The following PARVB variants were observed in gnomAD, a reference collection of about 807,000 sequenced individuals.
PARVB encodes parvin beta.
In PARVB, 46 loss-of-function variants were observed where a neutral mutation model predicts 47.0. The ratio of observed to expected loss-of-function variants is 0.98; its 90% CI spans 0.77 to 1.25. The LOEUF (loss-of-function observed/expected upper bound fraction) is 1.25, where lower values mean the gene tolerates loss of function less well. PARVB is among the 50% of genes most tolerant of loss of function. PARVB has a pLI of 0.00. For missense variants in PARVB, 473 were observed against 471.6 expected, an observed-to-expected ratio of 1.00 and a Z score of -0.03; for synonymous variants, 196 against 196.3, an observed-to-expected ratio of 1.00 and a Z score of 0.01.
At chr22:44,104,721 C>T (rs1011593699) in intron 3 of PARVB, 7 of 152,344 alleles carry the variant, frequency 4.6e-5, no homozygotes, top group Admixed American at 1.3e-4. Flanking sequence ...CTTCACTGCC[C>T]CAGCCACCCT....
At chr22:44,069,410 G>A (rs908359600) in intron 1 of PARVB, among the ~76,000 whole-genome samples, 1 of 152,130 alleles carries the variant, frequency 6.6e-6, no homozygotes, top group African/African-American at 2.4e-5. Flanking sequence ...CACTCTGCTG[G>A]GGGCGAGTAG....
In PARVB at chr22:44,032,141, A is replaced by G. The variant is rs538957290; in HGVS notation, c.112+7690A>G. The stretch of plus-strand genomic sequence containing the variant: ...TGTCTTGGTAAAAGAAGGCGGACAC[A>G]ATGCAATCAATCCTAGAAGTGTTCT... On this transcript the variant is annotated intron_variant, in intron 1 of 12. Coordinates refer to ENST00000338758, the MANE Select transcript of PARVB (RefSeq NM_013327.5). Among the ~76,000 whole-genome samples, 32 of 152,342 alleles carry G rather than the reference A, an allele frequency of 2.1e-4. No homozygotes were observed. In the South Asian group the frequency reaches 4.6e-3, roughly 22 times the overall value.
intron 1 of PARVB, among the ~76,000 whole-genome samples, chr22:44,066,807 C>CCTCCTCCTT (rs2051541709): frequency 2.7e-5 from 4 of 145,858 alleles, no homozygotes; most frequent in African/African-American, 5.0e-5. Context: ...TCCTCCTCCT[C>CCTCCTCCTT]CTCCTCCTCC....
At chr22:44,148,365 A>G (rs971061461) in intron 9 of PARVB, 5 of 214,638 alleles carry the variant, frequency 2.3e-5, no homozygotes, top group Non-Finnish European at 3.8e-5. Flanking sequence ...TCACTAGCCC[A>G]GGCAGCCTGC....
intron 4 of PARVB, chr22:44,119,902 G>A (rs1452641251): frequency 1.9e-6 from 1 of 515,574 alleles, no homozygotes; most frequent in East Asian, 5.6e-5. Context: ...GGAAGAACGA[G>A]CGAAGAGTTG....
intron 1 of PARVB, among the ~76,000 whole-genome samples, chr22:44,070,026 C>T (rs936849230): frequency 9.2e-5 from 14 of 152,134 alleles, no homozygotes; most frequent in African/African-American, 1.7e-4. Flanking sequence ...TCGTGACGGT[C>T]GGCCAGGCTG....
intron 12 of PARVB, among the ~76,000 whole-genome samples, chr22:44,165,687 G>A (rs2054152894): frequency 6.6e-6 from 1 of 152,228 alleles, no homozygotes; most frequent in East Asian, 1.9e-4. Context: ...GGGGGCGGAT[G>A]TTCATCACAC....
In PARVB at chr22:44,074,920, G is replaced by A. The variant is rs1256453339; in HGVS notation, c.113-19008G>A. Reference sequence around the variant, plus strand: ...CGGAGGAGCCCAGTGGGCTCTGGGAGCTCCTGGGACTCCTGAGTCGGTGGG... The same window carrying A: ...CGGAGGAGCCCAGTGGGCTCTGGGAACTCCTGGGACTCCTGAGTCGGTGGG... On this transcript the variant is annotated intron_variant, in intron 1 of 12. Transcript: ENST00000338758. 2.6e-5 allele frequency among the ~76,000 whole-genome samples: 4 copies of A among 152,334 alleles called. No individual in the cohort carries two copies. In the East Asian group the frequency reaches 5.8e-4, roughly 22 times the overall value.
At position 44,014,370 on chromosome 22, in the gene PARVB, A is replaced by G. The variant is rs147292692; in HGVS notation, c.211+14697A>G. On this transcript the variant is annotated intron_variant, in intron 2 of 13. Transcript: ENST00000406477. ...TGGAACTGGCCTCTTCAGAAGCCAC[A>G]GTTCAAAAGCAAACCAAATGGTTTT... Among the ~76,000 whole-genome samples, 40 of 152,336 alleles carry G rather than the reference A, an allele frequency of 2.6e-4. No individual in the cohort carries two copies. In the South Asian group the frequency reaches 3.1e-3, roughly 12 times the overall value.
chr22:44,087,882 A>G (rs867775910), intron 1 of PARVB, among the ~76,000 whole-genome samples: 24 of 116,534 alleles, frequency 2.1e-4, no homozygotes, highest in African/African-American at 9.4e-4. Flanking sequence ...TTTTTTTTAA[A>G]CCTTGCCCAA....
intron 1 of PARVB, among the ~76,000 whole-genome samples, chr22:44,053,530 C>T (rs1315064036): frequency 5.9e-5 from 9 of 152,190 alleles, no homozygotes; most frequent in Non-Finnish European, 8.8e-5. Context: ...CTCACAGCAA[C>T]ACAACAACAG....
intron 1 of PARVB, chr22:43,999,462 A>G (rs1344234340): frequency 6.4e-7 from 1 of 1,573,240 alleles, no homozygotes; most frequent in Middle Eastern, 1.7e-4. Context: ...GGTTGTACTC[A>G]GAAGTCCAAA....
At chr22:44,136,662 T>TACA in intron 7 of PARVB, 144 bp downstream of exon 7, 1 of 696,068 alleles carries the variant, frequency 1.4e-6, no homozygotes, top group Non-Finnish European at 2.6e-6. Flanking sequence ...ATTCTCATGC[T>TACA]GGTTCCCACC....
chr22:44,026,397 C>T (rs1240727403), intron 1 of PARVB: 1 of 979,912 alleles, frequency 1.0e-6, no homozygotes, highest in Non-Finnish European at 1.2e-6. Context: ...CGCCCTGCCT[C>T]GGTTCTCAGG....
intron 2 of PARVB, among the ~76,000 whole-genome samples, chr22:44,000,795 ACT>A (rs2050405819): frequency 6.6e-6 from 1 of 151,968 alleles, no homozygotes; most frequent in African/African-American, 2.4e-5. Flanking sequence ...TCTTTTTCAC[ACT>A]CTGTTCCATT....
At chr22:44,121,917 A>G (rs2053056506) in intron 4 of PARVB, among the ~76,000 whole-genome samples, 1 of 152,214 alleles carries the variant, frequency 6.6e-6, no homozygotes, top group Non-Finnish European at 1.5e-5. Flanking sequence ...CAATACCTCT[A>G]TCAACTACAA....
At position 44,093,956 on chromosome 22, in the gene PARVB, T is replaced by A. The variant is rs767489881; in HGVS notation, c.141T>A (p.Asn47Lys). Reference sequence around the variant, plus strand: ...GTGACCTGCAGGAAGAAGGCAAGAATGCCATCAACTCACCGATGTCCCCCG... The same window carrying A: ...GTGACCTGCAGGAAGAAGGCAAGAAAGCCATCAACTCACCGATGTCCCCCG... ...EVSDLQEEGKNAINSPMSPAL... is the reference protein window; with the variant it reads ...EVSDLQEEGKKAINSPMSPAL... The change falls in exon 2 of 13, where the codon AAT becomes AAA. Residue 47 changes from asparagine to lysine, a missense_variant. Transcript: ENST00000338758. 2.5e-5 allele frequency: 41 copies of A among 1,613,708 alleles called. No individual in the cohort carries two copies. In the South Asian group the frequency reaches 2.7e-4, roughly 11 times the overall value.
chr22:44,100,983 C>T (rs2052429939), intron 3 of PARVB, among the ~76,000 whole-genome samples: 1 of 152,196 alleles, frequency 6.6e-6, no homozygotes, highest in South Asian at 2.1e-4. Flanking sequence ...AGACATTTTT[C>T]TATTAAAAGT....
intron 3 of PARVB, chr22:44,116,359 C>T (rs942378487): frequency 1.3e-5 from 2 of 152,282 alleles, no homozygotes; most frequent in African/African-American, 4.8e-5. Flanking sequence ...CCTGTGCAGG[C>T]GTGCTCACCC....
Sources: gnomAD v4.1 joint callset for allele counts (sites outside exome capture counted in the v4.1 genomes callset) on GRCh38, gnomAD v4.1.1 for gene constraint, MANE v1.5 for transcripts, NCBI Gene and HGNC (gene_info 2026-07-23, HGNC 2026-07-21) for gene names.